CDC42BPA: variants seen among roughly 807,000 people sequenced by gnomAD.
CDC42BPA encodes the protein CDC42 binding protein kinase alpha, also known as serine/threonine-protein kinase MRCK alpha.
CDC42BPA carries 80 observed loss-of-function variants against 223.5 expected under a neutral mutation model. The observed-to-expected ratio is 0.36, with a 90% CI of 0.30 to 0.43. The LOEUF is 0.43. Ranked by LOEUF, CDC42BPA falls within the 20% of genes least tolerant of loss-of-function variation. The pLI, the probability that CDC42BPA is intolerant of heterozygous loss-of-function variation, is 1.00. For missense variants in CDC42BPA, 1,743 were observed against 2,099.9 expected (o/e 0.83, Z 3.32); for synonymous variants, 694 against 718.6 (o/e 0.97, Z 0.55).
chr1:227,204,328 A>G, intron 3 of CDC42BPA, among the ~76,000 whole-genome samples: 1 of 152,184 alleles, frequency 6.6e-6, no homozygotes, highest in East Asian at 1.9e-4. Flanking sequence ...AATTTTAAAT[A>G]TAGAAATAAT....
intron 16 of CDC42BPA, among the ~76,000 whole-genome samples, chr1:227,084,198 C>A (rs1681327469): frequency 6.6e-6 from 1 of 152,096 alleles, no homozygotes; most frequent in South Asian, 2.1e-4. Context: ...TAATCTGTCA[C>A]AGAAGCAAAA....
intron 4 of CDC42BPA, among the ~76,000 whole-genome samples, chr1:227,197,758 TATTC>T (rs771140991): frequency 5.3e-5 from 8 of 152,316 alleles, no homozygotes; most frequent in Admixed American, 2.6e-4. Context: ...TAGTGGATTT[TATTC>T]ATTATTTGAA....
At chr1:227,259,758 A>G (rs1572692932) in intron 1 of CDC42BPA, among the ~76,000 whole-genome samples, 1 of 151,160 alleles carries the variant, frequency 6.6e-6, no homozygotes, top group East Asian at 1.9e-4. Flanking sequence ...ACACCAACTT[A>G]GAAGTAATAG....
intron 20 of CDC42BPA, among the ~76,000 whole-genome samples, chr1:227,070,520 C>T (rs2149048018): frequency 6.6e-6 from 1 of 151,966 alleles, no homozygotes; most frequent in Middle Eastern, 3.4e-3. Context: ...GCCAATCCCA[C>T]ATTTTTCACT....
chr1:227,027,595 T>C (rs1049579182), intron 30 of CDC42BPA, among the ~76,000 whole-genome samples: 3 of 152,172 alleles, frequency 2.0e-5, no homozygotes, highest in Admixed American at 1.3e-4. Flanking sequence ...ACAAAACAGT[T>C]TGGATGAAAT....
chr1:227,228,023 A>G (rs899701978), intron 2 of CDC42BPA, among the ~76,000 whole-genome samples: 5 of 152,162 alleles, frequency 3.3e-5, no homozygotes, highest in African/African-American at 1.2e-4. Context: ...ACAGAAAACC[A>G]AACACTGCAT....
intron 2 of CDC42BPA, among the ~76,000 whole-genome samples, chr1:227,217,454 AAAAAG>A (rs1164325959): frequency 1.3e-5 from 2 of 151,604 alleles, no homozygotes. Context: ...TCTCAAAAAA[AAAAAG>A]AAAAGAAAAA....
intron 17 of CDC42BPA, among the ~76,000 whole-genome samples, chr1:227,076,539 G>T (rs1679521117): frequency 3.3e-5 from 5 of 152,150 alleles, no homozygotes; most frequent in Admixed American, 3.3e-4. Context: ...TTACAGGCGT[G>T]AGCCACCGCA....
chr1:227,031,491 T>C lies in CDC42BPA; in HGVS notation c.3582A>G (p.Ala1194=), dbSNP rs1350851613. ...IFRVTASQLS[A]SNNKCSILML... ...TCAGGATTGAACATTTGTTATTAGA[T>C]GCTGAGAGCTGGGAAGCTGTGACCT... Residue 1194 remains alanine, a synonymous_variant, in exon 28 of 37, where the codon GCA becomes GCG. Transcript: ENST00000366766. 4 of 1,613,960 alleles carry C rather than the reference T, an allele frequency of 2.5e-6. No homozygotes were observed. In the Admixed American group the frequency reaches 5.0e-5, roughly 20 times the overall value.
chr1:227,298,985 T>C (rs1003352316), intron 1 of CDC42BPA, among the ~76,000 whole-genome samples: 2 of 152,192 alleles, frequency 1.3e-5, no homozygotes, highest in Non-Finnish European at 2.9e-5. Flanking sequence ...TGGACAGCTG[T>C]AGAGTAGCAT....
In CDC42BPA at chr1:227,112,961, G is replaced by A. The variant is rs1687167550; in HGVS notation, c.1648-48C>T. 3.1e-6 allele frequency: 5 copies of A among 1,589,534 alleles called. No homozygotes were observed. The South Asian group carries it at 5.8e-5, about 18-fold the overall frequency. Reference sequence around the variant, plus strand: ...TAAGTTACCAATTCTGCAACCTAGAGACCAAATTTGGCCATCAGAATAGCT... The same window carrying A: ...TAAGTTACCAATTCTGCAACCTAGAAACCAAATTTGGCCATCAGAATAGCT... On this transcript the variant is annotated intron_variant, in intron 12 of 36. Coordinates refer to ENST00000366766, the MANE Select transcript of CDC42BPA (RefSeq NM_001394014.1).
chr1:227,094,922 C>A (rs991509738), intron 15 of CDC42BPA, among the ~76,000 whole-genome samples: 1 of 152,208 alleles, frequency 6.6e-6, no homozygotes. Context: ...ACAAAGCACT[C>A]CTTTCACCAA....
intron 1 of CDC42BPA, among the ~76,000 whole-genome samples, chr1:227,276,499 G>A (rs1221730433): frequency 6.6e-6 from 1 of 150,616 alleles, no homozygotes; most frequent in Non-Finnish European, 1.5e-5. Flanking sequence ...GAGGTGGGGG[G>A]CAGCCCCCTC....
At chr1:227,098,756 A>T (rs530264647) in intron 15 of CDC42BPA, among the ~76,000 whole-genome samples, 1 of 151,462 alleles carries the variant, frequency 6.6e-6, no homozygotes, top group East Asian at 2.0e-4. Flanking sequence ...GGATTACTTC[A>T]ATCGTCTTCT....
intron 12 of CDC42BPA, among the ~76,000 whole-genome samples, chr1:227,117,482 T>C (rs1378469054): frequency 6.6e-6 from 1 of 151,896 alleles, no homozygotes; most frequent in Non-Finnish European, 1.5e-5. Context: ...CAGCTAACTT[T>C]TTTATTTTTT....
At chr1:227,133,260 G>A (rs1657702504) in intron 10 of CDC42BPA, among the ~76,000 whole-genome samples, 1 of 151,264 alleles carries the variant, frequency 6.6e-6, no homozygotes, top group African/African-American at 2.4e-5. Flanking sequence ...TGGGAGGTGA[G>A]GGGCGCCTCT....
At chr1:227,188,495 G>A (rs1339803441) in intron 5 of CDC42BPA, among the ~76,000 whole-genome samples, 2 of 151,898 alleles carry the variant, frequency 1.3e-5, no homozygotes, top group Non-Finnish European at 2.9e-5. Context: ...TCCTTAAGTA[G>A]GTAAATGGAA....
intron 21 of CDC42BPA, chr1:227,068,569 G>C: frequency 2.3e-6 from 1 of 431,418 alleles, no homozygotes; most frequent in Non-Finnish European, 3.6e-6. Context: ...TTCTAAAACT[G>C]ACTGCATTAC....
chr1:227,105,293 C>G (rs1248434441), intron 14 of CDC42BPA, among the ~76,000 whole-genome samples: 1 of 151,696 alleles, frequency 6.6e-6, no homozygotes, highest in Non-Finnish European at 1.5e-5. Flanking sequence ...ACTCCCTGTT[C>G]CCCACTCCAC....
Sources: gnomAD v4.1 joint callset for allele counts (sites outside exome capture counted in the v4.1 genomes callset) on GRCh38, gnomAD v4.1.1 for gene constraint, MANE v1.5 for transcripts, NCBI Gene and HGNC (gene_info 2026-07-23, HGNC 2026-07-21) for gene names.